Variants in ITPK1 observed in about 807,000 individuals in gnomAD.
ITPK1 encodes inositol 1,3,4-trisphosphate 5/6-kinase.
A neutral mutation model predicts 45.3 loss-of-function variants in ITPK1; 21 were observed. The observed-to-expected ratio is 0.46, with a 90% CI of 0.33 to 0.67. The LOEUF is 0.67. Ranked by LOEUF, ITPK1 falls within the 30% of genes least tolerant of loss-of-function variation. ITPK1 has a pLI of 0.02. For missense variants in ITPK1, 474 were observed against 573.5 expected (o/e 0.83, Z 1.77); for synonymous variants, 258 against 253.6 (o/e 1.02, Z -0.16).
Position 92,962,803 on chromosome 14 carries a change from G to A in ITPK1, c.411C>T (p.Cys137=), listed in dbSNP as rs367857214. 1.4e-5 allele frequency: 22 copies of A among 1,613,764 alleles called. No homozygotes were observed. Among genetic ancestry groups the A allele is most frequent in the South Asian group, 5.5e-5 (5 of 91,082 alleles). ...SPPFMELTSL[C]GDDTMRLLEK... Reference sequence around the variant, plus strand: ...CCAGCAGCCGCATGGTGTCATCCCCGCACAGGCTCGTGAGCTCCATGAAGG... The same window carrying A: ...CCAGCAGCCGCATGGTGTCATCCCCACACAGGCTCGTGAGCTCCATGAAGG... The change falls in exon 6 of 11, where the codon TGC becomes TGT. Residue 137 remains cysteine (C), a synonymous_variant. Transcript: ENST00000267615.
At chr14:93,071,953 A>G (rs1304827368) in intron 3 of ITPK1, 1 of 152,150 alleles carries the variant, frequency 6.6e-6, no homozygotes, top group Non-Finnish European at 1.5e-5. Context: ...ATTGATCAAT[A>G]AGACAGAAAT....
intron 8 of ITPK1, among the ~76,000 whole-genome samples, chr14:92,955,484 C>T (rs946303963): frequency 6.6e-6 from 1 of 152,150 alleles, no homozygotes; most frequent in African/African-American, 2.4e-5. Context: ...CAAAGGAACC[C>T]GCTAATCTCT....
intron 3 of ITPK1, chr14:93,066,320 A>ATGTGTGTGTGTG (rs755050138): frequency 2.2e-4 from 93 of 421,216 alleles, no homozygotes; most frequent in Non-Finnish European, 6.6e-5. Flanking sequence ...GTGTGTGTGT[A>ATGTGTGTGTGTG]TGTGTGTGTG....
intron 4 of ITPK1, among the ~76,000 whole-genome samples, chr14:93,007,441 T>G (rs1887679510): frequency 6.9e-6 from 1 of 144,192 alleles, no homozygotes; most frequent in Non-Finnish European, 1.5e-5. Flanking sequence ...CTCCCCTGCC[T>G]TGTCCGTGTG....
At chr14:93,050,779 C>G (rs1566756577) in intron 3 of ITPK1, among the ~76,000 whole-genome samples, 2 of 152,058 alleles carry the variant, frequency 1.3e-5, no homozygotes, top group African/African-American at 4.8e-5. Flanking sequence ...GCTGACCTAC[C>G]GAGACCTCCA....
rs1485137781 is a variant in ITPK1, at chr14:93,077,524, G to A, written c.96-905C>T. Among the ~76,000 whole-genome samples the A allele has an allele frequency of 6.6e-5, 10 of 152,056 alleles. No homozygotes were observed. In the South Asian group the frequency reaches 1.2e-3, roughly 19 times the overall value. ...GTAGAGATGGGGTTTCACCATGTTGGCCAGGCTGGTCTCAAACTCCTGACC... is the reference window on the plus strand; with the variant it reads ...GTAGAGATGGGGTTTCACCATGTTGACCAGGCTGGTCTCAAACTCCTGACC... On this transcript the variant is annotated intron_variant, in intron 2 of 10. Coordinates refer to ENST00000267615, the MANE Select transcript of ITPK1 (RefSeq NM_014216.6).
rs549703497 is a variant in ITPK1, at chr14:93,016,487, C to T, written c.246+189G>A. ...ATGCCCTGGTTCAGTCCCCACGCTA[C>T]ACCCGAGGACACTGACGCCGCACAG... On this transcript the variant is annotated intron_variant, in intron 4 of 10. Coordinates refer to ENST00000267615, the MANE Select transcript of ITPK1 (RefSeq NM_014216.6). This position sits in a 1 kb window ranked among gnomAD's most constrained non-coding sequence, Gnocchi z 5.0. Among the ~76,000 whole-genome samples, 46 of 152,326 alleles carry T rather than the reference C, an allele frequency of 3.0e-4. No homozygotes were observed. Among genetic ancestry groups the T allele is most frequent in the African/African-American group, 9.9e-4 (41 of 41,564 alleles).
chr14:92,943,627 G>C (rs1464271989), intron 10 of ITPK1, among the ~76,000 whole-genome samples: 1 of 152,270 alleles, frequency 6.6e-6, no homozygotes, highest in East Asian at 1.9e-4. Context: ...AGCATCCCCA[G>C]ACAACGCCCA....
chr14:92,976,253 A>C (rs1380503763), intron 5 of ITPK1, among the ~76,000 whole-genome samples: 6 of 152,178 alleles, frequency 3.9e-5, no homozygotes, highest in African/African-American at 1.2e-4. Flanking sequence ...TATTTCTTAC[A>C]TGCTTCTTTC....
intron 7 of ITPK1, among the ~76,000 whole-genome samples, chr14:92,960,618 C>T (rs1041125356): frequency 5.3e-5 from 8 of 152,248 alleles, no homozygotes; most frequent in South Asian, 4.1e-4. Context: ...TCCCTCCTCC[C>T]GGGCTGCCAG....
At chr14:93,038,063 T>A (rs959449906) in intron 3 of ITPK1, among the ~76,000 whole-genome samples, 1 of 152,216 alleles carries the variant, frequency 6.6e-6, no homozygotes, top group Non-Finnish European at 1.5e-5. Context: ...TATTCTTTTT[T>A]TTTTTTTGAG....
intron 5 of ITPK1, among the ~76,000 whole-genome samples, chr14:92,983,022 G>A (rs1284910825): frequency 1.3e-5 from 2 of 152,188 alleles, no homozygotes; most frequent in Non-Finnish European, 2.9e-5. Context: ...AGCAAGCCAC[G>A]GGCAGGGGAA....
Position 93,063,629 on chromosome 14 carries a change from G to A in ITPK1, c.120+12966C>T, listed in dbSNP as rs1046824692. On this transcript the variant is annotated intron_variant, in intron 3 of 10. Coordinates refer to ENST00000267615, the MANE Select transcript of ITPK1 (RefSeq NM_014216.6). The surrounding 1 kb of genome is among the most constrained non-coding windows in gnomAD (Gnocchi z 4.3). ...CAGGACTGCACAGCCTTGGAGGGAT[G>A]GAGCTGGAACTAGGGAGGAGTCACT... Among the ~76,000 whole-genome samples, 4 of 152,220 alleles carry A rather than the reference G, an allele frequency of 2.6e-5. No individual in the cohort carries two copies. The highest frequency in any genetic ancestry group is 9.6e-5 in the African/African-American group (4 of 41,462).
At chr14:92,999,430 G>A (rs1348838416) in intron 4 of ITPK1, among the ~76,000 whole-genome samples, 10 of 152,252 alleles carry the variant, frequency 6.6e-5, no homozygotes, top group Non-Finnish European at 4.4e-5. Flanking sequence ...CTGAAATTCT[G>A]CCCACTGGGC....
At chr14:92,970,821 G>A (rs1885610332) in intron 5 of ITPK1, among the ~76,000 whole-genome samples, 1 of 152,092 alleles carries the variant, frequency 6.6e-6, no homozygotes, top group Non-Finnish European at 1.5e-5. Flanking sequence ...TTTTTTAGTA[G>A]AGATGGGGTT....
chr14:92,939,365 G>C lies in ITPK1; in HGVS notation c.*2196C>G, dbSNP rs1887244412. 1 of 152,330 alleles carries C rather than the reference G, an allele frequency of 6.6e-6. No individual in the cohort carries two copies. The highest frequency in any genetic ancestry group is 1.5e-5 in the Non-Finnish European group (1 of 68,144). 9.4% of individuals were successfully genotyped at this position (152,330 alleles called of 1,614,324 possible). A position where few individuals can be genotyped will look rare whatever the true frequency, so the allele number is the denominator to read the frequency against. ...TGCACCCTTAGGGTACGTTTAGCGA[G>C]CTGGGCTCCATCTCTGCCGCTCCCA... On this transcript the variant is annotated 3_prime_UTR_variant, in exon 11 of 11. Transcript: ENST00000267615.
intron 5 of ITPK1, among the ~76,000 whole-genome samples, chr14:92,968,807 C>T (rs534268848): frequency 6.6e-6 from 1 of 152,328 alleles, no homozygotes; most frequent in South Asian, 2.1e-4. Context: ...ACACCGGCTG[C>T]CTGGACCACT....
At chr14:93,002,807 A>G (rs1887418196) in intron 4 of ITPK1, among the ~76,000 whole-genome samples, 1 of 152,198 alleles carries the variant, frequency 6.6e-6, no homozygotes, top group African/African-American at 2.4e-5. Context: ...AGCGAGGCCA[A>G]GGTCGCAAGG....
At position 92,941,372 on chromosome 14, in the gene ITPK1, A is replaced by G; in HGVS notation, c.*189T>C. 1 of 1,416,234 alleles carries G rather than the reference A, an allele frequency of 7.1e-7. No homozygotes were observed. The allele number at this position is 1,416,234 out of a possible 1,614,324, so 87.7% of individuals were successfully genotyped here. On this transcript the variant is annotated 3_prime_UTR_variant, in exon 11 of 11. Coordinates refer to ENST00000267615, the MANE Select transcript of ITPK1 (RefSeq NM_014216.6). ...CGGCCCCACTCCCCAACGGTGGACC[A>G]CCTGGTACTCTCTTCCATCCCCCAC...
Sources: allele counts gnomAD v4.1 joint callset (sites outside exome capture counted in the v4.1 genomes callset), GRCh38; gene constraint gnomAD v4.1.1; non-coding constraint Gnocchi (gnomAD v3.1); transcripts MANE v1.5; gene names NCBI Gene and HGNC (gene_info 2026-07-23, HGNC 2026-07-21).